DHX30: variants seen among roughly 807,000 people sequenced by gnomAD.
DHX30 encodes ATP-dependent RNA helicase DHX30.
Under a neutral mutation model 116.9 loss-of-function variants are expected in DHX30, and 4 were observed. The ratio of observed to expected loss-of-function variants is 0.03; its 90% CI spans 0.02 to 0.08. The LOEUF (loss-of-function observed/expected upper bound fraction) is 0.08. Among genes scored for constraint, DHX30 ranks in the 10% least tolerant of loss-of-function variants. The pLI, the probability that DHX30 is intolerant of heterozygous loss-of-function variation, is 1.00. For missense variants in DHX30, 871 were observed against 1,595.1 expected (o/e 0.55, Z 7.73); for synonymous variants, 697 against 651.7 (o/e 1.07, Z -1.06).
chr3:47,849,099 G>T lies in DHX30; in HGVS notation c.2929+20G>T. The T allele has an allele frequency of 1.2e-6, 2 of 1,610,140 alleles. No individual in the cohort carries two copies. The highest frequency in any genetic ancestry group is 1.7e-6 in the Non-Finnish European group (2 of 1,177,554). ...TCCACGGTCAGTCGGGCCCACACCT[G>T]CTCTCCTGAGCCCCTCCCACCCCCA... is the stretch of plus-strand genomic sequence containing the variant. On this transcript the variant is annotated intron_variant, in intron 18 of 21. Coordinates refer to ENST00000445061, the MANE Select transcript of DHX30 (RefSeq NM_138615.3).
rs140367826 is a variant in DHX30, at chr3:47,849,736, C to T, written c.3298C>T (p.Leu1100=). 6.6e-4 allele frequency: 1,070 copies of T among 1,613,910 alleles called. 4 individuals carry two copies. The African/African-American group carries it at 8.8e-3, about 13-fold the overall frequency. Residue 1100 remains leucine, a synonymous_variant, in exon 21 of 22, where the codon CTG becomes TTG. Coordinates refer to ENST00000445061, the MANE Select transcript of DHX30 (RefSeq NM_138615.3). ...CTCTCAGGTGCACCCGCTAGCTGTG[C>T]TGCTGCTGACCGACGGGGACGTGCA... ...DSSQVHPLAV[L]LLTDGDVHIR...
intron 2 of DHX30, among the ~76,000 whole-genome samples, chr3:47,809,382 C>T (rs1237388347): frequency 6.6e-6 from 1 of 151,556 alleles, no homozygotes; most frequent in South Asian, 2.1e-4. Flanking sequence ...GCTGGGACTA[C>T]AGGCCCGCAC....
intron 3 of DHX30, among the ~76,000 whole-genome samples, chr3:47,812,742 C>T (rs1365070987): frequency 1.3e-5 from 2 of 149,768 alleles, no homozygotes; most frequent in African/African-American, 4.9e-5. Context: ...TGGCTCACTG[C>T]AACCTCTGCC....
chr3:47,847,513 A>G lies in DHX30; in HGVS notation c.2087A>G (p.Glu696Gly). Residue 696 changes from glutamate (E) to glycine (G), a missense_variant, in exon 13 of 22, where the codon GAG becomes GGG. Coordinates refer to ENST00000445061, the MANE Select transcript of DHX30 (RefSeq NM_138615.3). This position sits in a 1 kb window ranked among gnomAD's most constrained non-coding sequence, Gnocchi z 5.5. ...QRLQEALGMH[E>G]SKYLILPVHS... ...CTCCAGGAGGCCCTGGGCATGCACG[A>G]GAGCAAGTACCTCATCCTGCCAGGT... is the stretch of plus-strand genomic sequence containing the variant. 1 of 1,611,342 alleles carries G rather than the reference A, an allele frequency of 6.2e-7. No homozygotes were observed. The highest frequency in any genetic ancestry group is 8.5e-7 in the Non-Finnish European group (1 of 1,178,704).
chr3:47,836,951 C>T (rs1041230946), intron 6 of DHX30, among the ~76,000 whole-genome samples: 1 of 152,196 alleles, frequency 6.6e-6, no homozygotes, highest in East Asian at 1.9e-4. Context: ...CAGCGTTTCC[C>T]TTTCCCCCCA....
intron 6 of DHX30, among the ~76,000 whole-genome samples, chr3:47,837,253 C>T (rs922740198): frequency 3.9e-5 from 6 of 152,164 alleles, no homozygotes; most frequent in Admixed American, 1.3e-4. Context: ...ATGCGGTAGA[C>T]GGGCAGGGAG....
Position 47,846,797 on chromosome 3 carries a change from C to T in DHX30, c.1725C>T (p.Leu575=), listed in dbSNP as rs768569440. The change falls in exon 11 of 22, where the codon CTC becomes CTT. Residue 575 remains leucine, a synonymous_variant. Coordinates refer to ENST00000445061, the MANE Select transcript of DHX30 (RefSeq NM_138615.3). ...DVNTDFLLIL[L]KGLQRLNPAL... is the part of the protein sequence containing the mutation. ...ACACAGACTTTCTGCTGATCCTGCT[C>T]AAGGGCCTGCAGCGGCTCAACCCGG... 5.5e-5 allele frequency: 88 copies of T among 1,613,430 alleles called. No individual in the cohort carries two copies. The highest frequency in any genetic ancestry group is 7.4e-5 in the Non-Finnish European group (87 of 1,179,914).
intron 9 of DHX30, 33 bp from the exon 10 acceptor site, chr3:47,845,667 A>G: frequency 6.5e-7 from 1 of 1,540,390 alleles, no homozygotes; most frequent in Middle Eastern, 1.7e-4. Context: ...GGAGCCCCAG[A>G]GCATAGACTG....
At chr3:47,815,388 G>A (rs1322463615) in intron 3 of DHX30, among the ~76,000 whole-genome samples, 1 of 152,176 alleles carries the variant, frequency 6.6e-6, no homozygotes, top group Non-Finnish European at 1.5e-5. Flanking sequence ...AGCACCTGCT[G>A]TGTAGGAGAC....
chr3:47,838,531 T>C (rs1431140596), intron 6 of DHX30, among the ~76,000 whole-genome samples: 1 of 152,182 alleles, frequency 6.6e-6, no homozygotes, highest in Non-Finnish European at 1.5e-5. Context: ...AAATTAAATT[T>C]AATTATCTCA....
At position 47,805,311 on chromosome 3, in the gene DHX30, C is replaced by T. The variant is rs771411385; in HGVS notation, c.-122-15C>T. ...TGGGGCCTCCACTGTATTGACTCAG[C>T]GTTGTACTTCTCAGGAGGAGGCCCA... On this transcript the variant is annotated splice_polypyrimidine_tract_variant and intron_variant, in intron 1 of 21. Transcript: ENST00000445061. 3.5e-5 allele frequency: 14 copies of T among 399,012 alleles called. No homozygotes were observed. Among genetic ancestry groups the T allele is most frequent in the South Asian group, 1.3e-4 (1 of 7,852 alleles). The allele number at this position is 399,012 out of a possible 1,614,324, so 24.7% of individuals were successfully genotyped here. A position where few individuals can be genotyped will look rare whatever the true frequency, so the allele number is the denominator to read the frequency against.
chr3:47,810,500 C>T (rs893371014), intron 2 of DHX30, among the ~76,000 whole-genome samples, 157 bp from the exon 3 acceptor site: 1 of 152,194 alleles, frequency 6.6e-6, no homozygotes. Context: ...GCTGGCCTTC[C>T]AGTCCTCAAG....
At chr3:47,811,871 C>G (rs144558126) in intron 3 of DHX30, among the ~76,000 whole-genome samples, 166 of 152,112 alleles carry the variant, frequency 1.1e-3, no homozygotes, top group Middle Eastern at 3.4e-3. Flanking sequence ...CCAGACCAGC[C>G]TGGACAACAC....
chr3:47,849,380 C>A, intron 19 of DHX30, 31 bp downstream of exon 19: 1 of 1,595,322 alleles, frequency 6.3e-7, no homozygotes. Flanking sequence ...TGGAGTTCAC[C>A]AGGTCCCAGC....
At chr3:47,810,630 T>C (rs2035747668) in intron 2 of DHX30, 27 bp from the exon 3 acceptor site, 1 of 1,592,362 alleles carries the variant, frequency 6.3e-7, no homozygotes, top group Middle Eastern at 1.7e-4. Flanking sequence ...ATATTAACCA[T>C]TGCCTCTTGG....
chr3:47,812,160 C>T (rs569635852), intron 3 of DHX30, among the ~76,000 whole-genome samples: 7 of 147,186 alleles, frequency 4.8e-5, no homozygotes, highest in South Asian at 4.4e-4. Flanking sequence ...ACCTGGGAGA[C>T]GGGTTGCAGT....
intron 6 of DHX30, among the ~76,000 whole-genome samples, chr3:47,837,459 G>A (rs990018537): frequency 6.6e-6 from 1 of 152,218 alleles, no homozygotes; most frequent in Non-Finnish European, 1.5e-5. Flanking sequence ...CGGCAGCTGT[G>A]GAGGAGGTTT....
chr3:47,819,109 T>C (rs1426380037), intron 4 of DHX30: 2 of 751,610 alleles, frequency 2.7e-6, no homozygotes, highest in Non-Finnish European at 4.1e-6. Flanking sequence ...AGGATAGAAA[T>C]GAGTACTTCT....
chr3:47,830,482 G>A (rs1428500083), intron 6 of DHX30, among the ~76,000 whole-genome samples: 1 of 151,852 alleles, frequency 6.6e-6, no homozygotes, highest in Admixed American at 6.6e-5. Flanking sequence ...TTCATTTTTA[G>A]TAGAGACGAG....
Sources: gnomAD v4.1 joint callset for allele counts (sites outside exome capture counted in the v4.1 genomes callset) on GRCh38, gnomAD v4.1.1 for gene constraint, Gnocchi (gnomAD v3.1) non-coding constraint, MANE v1.5 for transcripts, NCBI Gene and HGNC (gene_info 2026-07-23, HGNC 2026-07-21) for gene names.